Variants in RGS7 observed in about 807,000 individuals in gnomAD.
RGS7 encodes regulator of G-protein signaling 7.
Under a neutral mutation model 81.1 loss-of-function variants are expected in RGS7, and 27 were observed. That is an observed-to-expected ratio of 0.33 (90% CI 0.25 to 0.46). RGS7 has a LOEUF of 0.46. RGS7 is among the 20% of genes least tolerant of loss of function. The probability of loss-of-function intolerance (pLI) is 1.00; values close to 1 mark genes in which losing one functional copy is unlikely to be tolerated. For missense variants in RGS7, 396 were observed against 607.4 expected (o/e 0.65, Z 3.66); for synonymous variants, 208 against 207.7 (o/e 1.00, Z -0.01).
At chr1:241,094,434 T>C (rs1415249578) in intron 3 of RGS7, among the ~76,000 whole-genome samples, 5 of 152,148 alleles carry the variant, frequency 3.3e-5, no homozygotes, top group African/African-American at 1.2e-4. Flanking sequence ...GCCTGAGCTA[T>C]CTCTGCAGCT....
chr1:241,307,710 G>A (rs892176912), intron 2 of RGS7, among the ~76,000 whole-genome samples: 1 of 152,204 alleles, frequency 6.6e-6, no homozygotes, highest in Non-Finnish European at 1.5e-5. Flanking sequence ...ACAGGAGTAA[G>A]AGCATTGTTT....
intron 2 of RGS7, among the ~76,000 whole-genome samples, chr1:241,276,782 A>T (rs1025947443): frequency 6.6e-6 from 1 of 152,242 alleles, no homozygotes; most frequent in African/African-American, 2.4e-5. Context: ...GCAGTGAATA[A>T]AATCATAGAC....
intron 3 of RGS7, among the ~76,000 whole-genome samples, chr1:240,997,817 T>G (rs1299954166): frequency 1.3e-5 from 2 of 152,312 alleles, no homozygotes; most frequent in South Asian, 2.1e-4. Context: ...GAGCAAGACT[T>G]TGTCTCAGGA....
At chr1:241,107,794 T>C (rs112674672) in intron 2 of RGS7, among the ~76,000 whole-genome samples, 2,358 of 152,266 alleles carry the variant, frequency 0.015, 31 homozygotes, top group Non-Finnish European at 0.024. Context: ...CTAATTTCCA[T>C]ACCTGAATTT....
intron 2 of RGS7, among the ~76,000 whole-genome samples, chr1:241,324,896 T>A (rs972556653): frequency 1.3e-5 from 2 of 152,250 alleles, no homozygotes; most frequent in African/African-American, 4.8e-5. Flanking sequence ...TTTTCCTTGG[T>A]CATAGAGTAT....
intron 6 of RGS7, among the ~76,000 whole-genome samples, chr1:240,892,662 CA>C (rs1668461235): frequency 6.6e-6 from 1 of 152,102 alleles, no homozygotes; most frequent in Non-Finnish European, 1.5e-5. Flanking sequence ...GAGTTTTGGT[CA>C]ACAAAAGGCA....
rs185974202 is a variant in RGS7, at chr1:240,990,707, T to C, written c.176-7578A>G. Among the ~76,000 whole-genome samples the C allele has an allele frequency of 2.0e-5, 3 of 152,344 alleles. No homozygotes were observed. In the East Asian group the frequency reaches 5.8e-4, roughly 29 times the overall value. On this transcript the variant is annotated intron_variant, in intron 3 of 18. Transcript: ENST00000440928. ...TCACAGTTTGAAACTGGATCAAACT[T>C]ATGATATAAAGCCCTTCTTCCAATA...
intron 2 of RGS7, among the ~76,000 whole-genome samples, chr1:241,157,626 G>GTCAGCAAACACTGACCATGGC (rs1387301296): frequency 6.6e-6 from 1 of 152,102 alleles, no homozygotes; most frequent in African/African-American, 2.4e-5. Context: ...TCTGCTAGGG[G>GTCAGCAAACACTGACCATGGC]TCAGCAAACA....
At chr1:240,974,589 A>T (rs1409339934) in intron 4 of RGS7, among the ~76,000 whole-genome samples, 4 of 152,216 alleles carry the variant, frequency 2.6e-5, no homozygotes, top group Non-Finnish European at 5.9e-5. Context: ...ACATACATAA[A>T]ATAAAAAATA....
At chr1:241,172,476 C>G (rs1485058042) in intron 2 of RGS7, among the ~76,000 whole-genome samples, 1 of 152,134 alleles carries the variant, frequency 6.6e-6, no homozygotes, top group Non-Finnish European at 1.5e-5. Flanking sequence ...CAGCATGAAA[C>G]AGCTATTGGA....
At chr1:240,906,388 C>A (rs1249269609) in intron 6 of RGS7, among the ~76,000 whole-genome samples, 7 of 152,152 alleles carry the variant, frequency 4.6e-5, no homozygotes, top group Non-Finnish European at 7.3e-5. Context: ...CCTCTTGACA[C>A]ACTGAACTCT....
intron 7 of RGS7, among the ~76,000 whole-genome samples, chr1:240,869,848 G>T (rs889362341): frequency 6.6e-6 from 1 of 152,192 alleles, no homozygotes; most frequent in Non-Finnish European, 1.5e-5. Flanking sequence ...GCTGAAGCAG[G>T]AGAATCACTT....
At chr1:240,875,648 A>C (rs1024389496) in intron 6 of RGS7, among the ~76,000 whole-genome samples, 1 of 152,192 alleles carries the variant, frequency 6.6e-6, no homozygotes, top group East Asian at 1.9e-4. Context: ...CATTCCCACC[A>C]GCAACAGTGT....
rs1689949782 is a variant in RGS7 at position 240,812,108 on chromosome 1, C to T, written c.957-65G>A. 1.9e-6 allele frequency: 3 copies of T among 1,572,752 alleles called. No homozygotes were observed. The African/African-American group carries it at 4.0e-5, about 21-fold the overall frequency. On this transcript the variant is annotated intron_variant, in intron 13 of 18. Transcript: ENST00000440928. The stretch of plus-strand genomic sequence containing the variant: ...TAGAATTCCCATTTTTTTGTTATTA[C>T]ATTCCCCTTCAAAATCATGTGTGCC...
chr1:240,985,874 A>T (rs1003106654), intron 3 of RGS7, among the ~76,000 whole-genome samples: 13 of 151,988 alleles, frequency 8.6e-5, no homozygotes, highest in African/African-American at 2.4e-4. Flanking sequence ...GCATGACTCA[A>T]ATTTAAAATG....
rs188788871 is a variant in RGS7 at position 240,805,300 on chromosome 1, C to T, written c.1269+840G>A. Among the ~76,000 whole-genome samples, 730 of 152,242 alleles carry T rather than the reference C, an allele frequency of 4.8e-3. 4 individuals carry two copies. Among genetic ancestry groups the T allele is most frequent in the Non-Finnish European group, 7.9e-3 (534 of 68,012 alleles). ...TTGGGAGGCTGAGGTAGGAGGATTG[C>T]TTAAGCCTGGGAGGCCAAGGCTATA... On this transcript the variant is annotated intron_variant, in intron 15 of 18. Coordinates refer to ENST00000440928, the MANE Select transcript of RGS7 (RefSeq NM_001364886.1).
In RGS7 at chr1:241,271,060, G is replaced by A. The variant is rs6673936; in HGVS notation, c.78+84639C>T. On this transcript the variant is annotated intron_variant, in intron 2 of 18. Transcript: ENST00000440928. This position sits in a 1 kb window ranked among gnomAD's most constrained non-coding sequence, Gnocchi z 4.6. The stretch of plus-strand genomic sequence containing the variant: ...GTCCCATCCCTTTTAATTTCTGCAC[G>A]GGCCCTACTTTAAGTATCGCTGCAG... 0.29 allele frequency among the ~76,000 whole-genome samples: 44,455 copies of A among 151,990 alleles called. 6,741 individuals carry two copies. Among genetic ancestry groups the A allele is most frequent in the Admixed American group, 0.36 (5,460 of 15,268 alleles).
chr1:240,823,442 C>T (rs565394678), intron 10 of RGS7: 16 of 313,414 alleles, frequency 5.1e-5, no homozygotes, highest in African/African-American at 3.1e-4. Context: ...ACGTTATAGT[C>T]CAGTCCGCTC....
intron 11 of RGS7, among the ~76,000 whole-genome samples, chr1:240,815,107 G>A (rs1690575018): frequency 6.6e-6 from 1 of 152,170 alleles, no homozygotes; most frequent in Non-Finnish European, 1.5e-5. Context: ...GGAGGTCAAG[G>A]TGGGTGGATC....
Sources: gnomAD v4.1 joint callset for allele counts (sites outside exome capture counted in the v4.1 genomes callset) on GRCh38, gnomAD v4.1.1 for gene constraint, Gnocchi (gnomAD v3.1) non-coding constraint, MANE v1.5 for transcripts, NCBI Gene and HGNC (gene_info 2026-07-23, HGNC 2026-07-21) for gene names.